Variants in MAML2 observed in about 807,000 individuals in gnomAD.
The protein encoded by MAML2 is mastermind-like protein 2.
In MAML2, 22 loss-of-function variants were observed where a neutral mutation model predicts 96.1. The observed-to-expected ratio is 0.23, with a 90% CI of 0.16 to 0.33. MAML2 has a LOEUF of 0.33. MAML2 is among the 10% of genes least tolerant of loss of function. The probability of loss-of-function intolerance (pLI) is 1.00; values close to 1 mark genes in which losing one functional copy is unlikely to be tolerated. For synonymous variants in MAML2, 561 were observed against 521.3 expected, an observed-to-expected ratio of 1.08 and a Z score of -1.04; for missense variants, 1,367 against 1,392.4, an observed-to-expected ratio of 0.98 and a Z score of 0.29.
Position 96,027,135 on chromosome 11 carries a change from T to C in MAML2, c.2140-35412A>G, listed in dbSNP as rs143672984. Among the ~76,000 whole-genome samples the C allele has an allele frequency of 4.4e-3, 677 of 152,332 alleles. 5 individuals carry two copies. The highest frequency in any genetic ancestry group is 0.016 in the African/African-American group (653 of 41,584). On this transcript the variant is annotated intron_variant, in intron 2 of 4. Transcript: ENST00000524717. Reference sequence around the variant, plus strand: ...GCTGATGGGACTTTGATTACTGAATTGGCTACAGTCTCAAGATAGCTCTCA... The same window carrying C: ...GCTGATGGGACTTTGATTACTGAATCGGCTACAGTCTCAAGATAGCTCTCA...
In MAML2 at chr11:95,985,527, T is replaced by C; in HGVS notation, c.2455+4A>G. The C allele has an allele frequency of 6.4e-7, 1 of 1,554,658 alleles. No individual in the cohort carries two copies. Among genetic ancestry groups the C allele is most frequent in the South Asian group, 1.2e-5 (1 of 84,376 alleles). ...AATTTTTATTAATTTTTAAGAACAC[T>C]TACCAGAATACTGAGCAGTTGGTTG... is the stretch of plus-strand genomic sequence containing the variant. On this transcript the variant is annotated splice_donor_region_variant and intron_variant, in intron 4 of 4. Coordinates refer to ENST00000524717, the MANE Select transcript of MAML2 (RefSeq NM_032427.4).
chr11:96,181,871 T>C (rs1231950234), intron 1 of MAML2, among the ~76,000 whole-genome samples: 1 of 147,902 alleles, frequency 6.8e-6, no homozygotes, highest in Non-Finnish European at 1.5e-5. Flanking sequence ...TCCTCAGCCA[T>C]TTTTTTCTTT....
At chr11:96,091,834 T>C in intron 2 of MAML2, 58 bp downstream of exon 2, 4 of 1,559,608 alleles carry the variant, frequency 2.6e-6, no homozygotes, top group South Asian at 2.5e-5. Context: ...AACCACAGCA[T>C]AAAGATCAAG....
intron 1 of MAML2, among the ~76,000 whole-genome samples, chr11:96,322,880 G>GA (rs1367029106): frequency 1.3e-5 from 2 of 152,160 alleles, no homozygotes; most frequent in East Asian, 3.9e-4. Flanking sequence ...TGTGTAGAGT[G>GA]GAGAATCACA....
Position 96,092,455 on chromosome 11 carries a change from G to A in MAML2, c.1576C>T (p.Leu526=), listed in dbSNP as rs1591007891. The change falls in exon 2 of 5, where the codon CTA becomes TTA. Residue 526 remains leucine (L), a synonymous_variant. Transcript: ENST00000524717. The surrounding 1 kb of genome is among the most constrained non-coding windows in gnomAD (Gnocchi z 4.1). ...GGCTTTTGCTGCATGAGGACATCTA[G>A]GTGCCCACCCTGGGCTGAGGGGCCG... ...KAGPSAQGGH[L]DVLMQQKPQD... 6 of 1,613,182 alleles carry A rather than the reference G, an allele frequency of 3.7e-6. No homozygotes were observed. Among genetic ancestry groups the A allele is most frequent in the Non-Finnish European group, 5.1e-6 (6 of 1,179,426 alleles).
At chr11:96,281,179 T>G (rs746515803) in intron 1 of MAML2, among the ~76,000 whole-genome samples, 2 of 152,144 alleles carry the variant, frequency 1.3e-5, no homozygotes, top group Non-Finnish European at 2.9e-5. Flanking sequence ...GGGGGTAATA[T>G]TCAAAATATT....
intron 1 of MAML2, among the ~76,000 whole-genome samples, chr11:96,147,148 C>T (rs1417127847): frequency 6.6e-6 from 1 of 152,164 alleles, no homozygotes; most frequent in East Asian, 1.9e-4. Flanking sequence ...TAATTATATG[C>T]ATGACTGAAG....
At chr11:95,989,659 A>G (rs1413269568) in intron 3 of MAML2, among the ~76,000 whole-genome samples, 1 of 125,108 alleles carries the variant, frequency 8.0e-6, no homozygotes, top group Non-Finnish European at 1.6e-5. Flanking sequence ...TGGGAGGGGA[A>G]GGGAACAGGG....
intron 1 of MAML2, among the ~76,000 whole-genome samples, chr11:96,113,076 T>C (rs1860157937): frequency 2.9e-5 from 1 of 34,160 alleles, no homozygotes; most frequent in African/African-American, 8.5e-5. Flanking sequence ...GTTTGCATTT[T>C]GCAGGGCAAA....
rs765766610 is a variant in MAML2, at chr11:95,979,857, C to T, written c.2562G>A (p.Gly854=). Residue 854 remains glycine, a synonymous_variant, in exon 5 of 5, where the codon GGG becomes GGA. Coordinates refer to ENST00000524717, the MANE Select transcript of MAML2 (RefSeq NM_032427.4). The part of the protein sequence containing the change: ...PNSSLLSTSH[G]TRMPSLSTAV... ...CTGTAGATAATGATGGCATTCTTGT[C>T]CCGTGAGAAGTAGACAGGAGGCTGG... 4.3e-6 allele frequency: 7 copies of T among 1,613,752 alleles called. No individual in the cohort carries two copies. The highest frequency in any genetic ancestry group is 1.1e-5 in the South Asian group (1 of 91,074).
chr11:96,156,024 G>A (rs1861006126), intron 1 of MAML2, among the ~76,000 whole-genome samples: 1 of 152,020 alleles, frequency 6.6e-6, no homozygotes, highest in East Asian at 1.9e-4. Context: ...TGTGCTGACC[G>A]CCCCCCACTG....
At chr11:96,098,454 G>A (rs1055450401) in intron 1 of MAML2, among the ~76,000 whole-genome samples, 22 of 152,100 alleles carry the variant, frequency 1.4e-4, no homozygotes, top group Non-Finnish European at 2.6e-4. Context: ...ATAAATCTGT[G>A]CCCCACAATT....
intron 1 of MAML2, among the ~76,000 whole-genome samples, chr11:96,285,801 T>C (rs1305329325): frequency 6.6e-6 from 1 of 152,094 alleles, no homozygotes; most frequent in Non-Finnish European, 1.5e-5. Context: ...TCAGAATGGC[T>C]ATTATTAAAA....
chr11:95,983,327 C>T (rs508819), intron 4 of MAML2, among the ~76,000 whole-genome samples: 34,400 of 151,994 alleles, frequency 0.23, 5,824 homozygotes, highest in African/African-American at 0.48. Flanking sequence ...CAGAACCATA[C>T]GTTCTCATCC....
chr11:96,164,225 T>G (rs996747037), intron 1 of MAML2, among the ~76,000 whole-genome samples: 1 of 152,074 alleles, frequency 6.6e-6, no homozygotes, highest in Non-Finnish European at 1.5e-5. Context: ...TGAAAGAGCA[T>G]TATATTGCCT....
chr11:96,240,609 G>GTGTTATA (rs1360939077), intron 1 of MAML2, among the ~76,000 whole-genome samples: 1 of 144,766 alleles, frequency 6.9e-6, no homozygotes, highest in Non-Finnish European at 1.5e-5. Context: ...GTCTGTGTCA[G>GTGTTATA]TGTTATATAT....
chr11:96,082,434 G>A (rs1318796495), intron 2 of MAML2, among the ~76,000 whole-genome samples: 1 of 152,192 alleles, frequency 6.6e-6, no homozygotes, highest in East Asian at 1.9e-4. Flanking sequence ...GACACTCAGG[G>A]AAGGGGATGG....
chr11:96,321,787 T>C (rs1285786759), intron 1 of MAML2, among the ~76,000 whole-genome samples: 1 of 152,236 alleles, frequency 6.6e-6, no homozygotes, highest in Non-Finnish European at 1.5e-5. Flanking sequence ...CACATGTGTT[T>C]AATGGACATT....
chr11:96,034,432 T>TGTGTGAGAGAGAGAGAGAGA (rs549312275), intron 2 of MAML2, among the ~76,000 whole-genome samples: 1 of 135,656 alleles, frequency 7.4e-6, no homozygotes, highest in Non-Finnish European at 1.6e-5. Flanking sequence ...TGTGTGTGTG[T>TGTGTGAGAGAGAGAGAGAGA]GAGAGAGAGA....
Sources: gnomAD v4.1 joint callset for allele counts (sites outside exome capture counted in the v4.1 genomes callset) on GRCh38, gnomAD v4.1.1 for gene constraint, Gnocchi (gnomAD v3.1) non-coding constraint, MANE v1.5 for transcripts, NCBI Gene and HGNC (gene_info 2026-07-23, HGNC 2026-07-21) for gene names.